TRAPPC9: variants seen among roughly 807,000 people sequenced by gnomAD.
TRAPPC9 encodes trafficking protein particle complex subunit 9.
Under a neutral mutation model 124.0 loss-of-function variants are expected in TRAPPC9, and 83 were observed. The ratio of observed to expected loss-of-function variants is 0.67; its 90% CI spans 0.56 to 0.80. TRAPPC9 has a LOEUF of 0.80. Among genes scored for constraint, TRAPPC9 ranks in the 30% least tolerant of loss-of-function variants. The probability of loss-of-function intolerance (pLI) is 0.00; values close to 1 mark genes in which losing one functional copy is unlikely to be tolerated. For synonymous variants in TRAPPC9, 638 were observed against 617.5 expected (o/e 1.03, Z -0.49); for missense variants, 1,302 against 1,508.3 (o/e 0.86, Z 2.27).
At chr8:139,771,794 T>C (rs1307076920) in intron 21 of TRAPPC9, among the ~76,000 whole-genome samples, 1 of 152,224 alleles carries the variant, frequency 6.6e-6, no homozygotes, top group South Asian at 2.1e-4. Flanking sequence ...CCAAACCTGC[T>C]CCTGCAGCTC....
At chr8:140,120,493 T>C (rs975803403) in intron 17 of TRAPPC9, among the ~76,000 whole-genome samples, 7 of 152,334 alleles carry the variant, frequency 4.6e-5, no homozygotes, top group African/African-American at 1.7e-4. Flanking sequence ...TTTTCTGCAA[T>C]ACTCTCATCC....
intron 17 of TRAPPC9, among the ~76,000 whole-genome samples, chr8:140,046,547 G>A (rs577582318): frequency 3.8e-4 from 58 of 152,368 alleles, no homozygotes; most frequent in Non-Finnish European, 7.4e-4. Context: ...AGCCTGGGAA[G>A]ACTTCTGCAA....
At chr8:139,757,355 A>C (rs561014632) in intron 21 of TRAPPC9, among the ~76,000 whole-genome samples, 101 of 144,922 alleles carry the variant, frequency 7.0e-4, no homozygotes, top group African/African-American at 2.6e-3. Context: ...AGGTCGCAGG[A>C]GGAGCCAGCG....
intron 21 of TRAPPC9, among the ~76,000 whole-genome samples, chr8:139,882,053 G>T (rs1356493209): frequency 3.3e-5 from 5 of 152,220 alleles, no homozygotes; most frequent in Admixed American, 2.0e-4. Context: ...AGAGCCCCTT[G>T]TGAGTTTTCA....
intron 17 of TRAPPC9, among the ~76,000 whole-genome samples, chr8:140,062,562 G>T (rs562017328): frequency 9.1e-4 from 138 of 151,996 alleles, no homozygotes; most frequent in Non-Finnish European, 1.7e-3. Flanking sequence ...CGCCCTCAGA[G>T]ACCCTCCTCA....
chr8:140,157,001 CTTTTCCATTCAGAAGCCTCCCT>C (rs1563804143), intron 17 of TRAPPC9, among the ~76,000 whole-genome samples: 578 of 36,166 alleles, frequency 0.016, 49 homozygotes, highest in Middle Eastern at 0.037. Flanking sequence ...AAAAGCCTCC[CTTTTCCATTCAGAAGCCTCCCT>C]TTTCCATTCA....
chr8:140,043,651 G>A (rs1009099186), intron 17 of TRAPPC9, among the ~76,000 whole-genome samples: 1 of 152,192 alleles, frequency 6.6e-6, no homozygotes, highest in Non-Finnish European at 1.5e-5. Context: ...GAGCTTGCTT[G>A]AACACCTAGA....
At chr8:140,288,285 A>G (rs190870577) in intron 12 of TRAPPC9, among the ~76,000 whole-genome samples, 38 of 152,356 alleles carry the variant, frequency 2.5e-4, no homozygotes, top group African/African-American at 8.2e-4. Context: ...TGAGGCTGCA[A>G]TGATCACACC....
intron 9 of TRAPPC9, among the ~76,000 whole-genome samples, chr8:140,359,611 C>G (rs182178385): frequency 3.2e-4 from 49 of 152,234 alleles, no homozygotes; most frequent in African/African-American, 1.0e-3. Flanking sequence ...TGTTCCTGCC[C>G]GTCTCTGATC....
chr8:139,768,140 A>G (rs748506363), intron 21 of TRAPPC9, among the ~76,000 whole-genome samples: 3 of 152,262 alleles, frequency 2.0e-5, no homozygotes, highest in Non-Finnish European at 2.9e-5. Context: ...ACATTTGCAT[A>G]AAGGAATACT....
intron 17 of TRAPPC9, among the ~76,000 whole-genome samples, chr8:140,081,561 G>T (rs531927983): frequency 6.6e-6 from 1 of 152,176 alleles, no homozygotes; most frequent in East Asian, 1.9e-4. Context: ...GACCAGGGTG[G>T]TCTCAAACTC....
chr8:139,750,602 AC>A (rs1174816284), intron 21 of TRAPPC9, among the ~76,000 whole-genome samples: 1 of 151,472 alleles, frequency 6.6e-6, no homozygotes, highest in Non-Finnish European at 1.5e-5. Context: ...ACTTGCTGGG[AC>A]CCCCAAAGCT....
At chr8:139,867,974 T>C (rs1364619094) in intron 21 of TRAPPC9, among the ~76,000 whole-genome samples, 1 of 152,232 alleles carries the variant, frequency 6.6e-6, no homozygotes. Context: ...TTGATGACTG[T>C]ATTGTGGTTA....
intron 5 of TRAPPC9, among the ~76,000 whole-genome samples, chr8:140,419,729 C>CA (rs571729912): frequency 0.031 from 4,623 of 151,560 alleles, 90 homozygotes; most frequent in Non-Finnish European, 0.041. Flanking sequence ...ACTAAAAATA[C>CA]AAAAAAATTA....
At chr8:139,835,737 C>T (rs1826291851) in intron 21 of TRAPPC9, among the ~76,000 whole-genome samples, 1 of 151,818 alleles carries the variant, frequency 6.6e-6, no homozygotes, top group African/African-American at 2.4e-5. Context: ...CACTGCTTTG[C>T]CAAGACATGA....
chr8:140,073,484 C>T (rs1242121312), intron 17 of TRAPPC9, among the ~76,000 whole-genome samples: 1 of 152,204 alleles, frequency 6.6e-6, no homozygotes, highest in Non-Finnish European at 1.5e-5. Flanking sequence ...TTATGTGACA[C>T]TCTAAACTAG....
At chr8:140,037,739 ACACACACACACCC>A (rs1184880214) in intron 17 of TRAPPC9, among the ~76,000 whole-genome samples, 13 of 148,126 alleles carry the variant, frequency 8.8e-5, no homozygotes, top group South Asian at 2.2e-4. Flanking sequence ...TACACACCCC[ACACACACACACCC>A]CACACACACA....
intron 17 of TRAPPC9, among the ~76,000 whole-genome samples, chr8:140,195,930 A>G (rs11778172): frequency 0.034 from 674 of 19,868 alleles, no homozygotes; most frequent in Middle Eastern, 0.15. Context: ...ACGATCCACC[A>G]TACAGATCAC....
chr8:140,340,788 C>A (rs188937403), intron 9 of TRAPPC9, among the ~76,000 whole-genome samples: 12 of 152,328 alleles, frequency 7.9e-5, no homozygotes, highest in African/African-American at 2.4e-4. Flanking sequence ...CAGTCAGCAT[C>A]TTCCCCAAGG....
Sources: gnomAD v4.1 joint callset for allele counts (sites outside exome capture counted in the v4.1 genomes callset) on GRCh38, gnomAD v4.1.1 for gene constraint, MANE v1.5 for transcripts, NCBI Gene and HGNC (gene_info 2026-07-23, HGNC 2026-07-21) for gene names.